Variants in NUBP2 observed in about 807,000 individuals in gnomAD.
The protein encoded by NUBP2 is NUBP iron-sulfur cluster assembly factor 2, cytosolic.
A neutral mutation model predicts 24.9 loss-of-function variants in NUBP2; 23 were observed. The ratio of observed to expected loss-of-function variants is 0.92; its 90% CI spans 0.66 to 1.31. NUBP2 has a LOEUF of 1.31. NUBP2 is among the 50% of genes most tolerant of loss of function. The pLI, the probability that NUBP2 is intolerant of heterozygous loss-of-function variation, is 0.00. For missense variants in NUBP2, 403 were observed against 386.5 expected (o/e 1.04, Z -0.36); for synonymous variants, 186 against 170.9 (o/e 1.09, Z -0.69).
At position 1,788,226 on chromosome 16, in the gene NUBP2, T is replaced by C. The variant is rs781526288; in HGVS notation, c.670+19T>C. On this transcript the variant is annotated intron_variant, in intron 6 of 6. Transcript: ENST00000262302. ...TTCTTAGGTGAGTGTCCCAAGCTGG[T>C]GCTGGGGTCGCGGCCTCCCATTCCA... 33 of 1,458,690 alleles carry C rather than the reference T, an allele frequency of 2.3e-5. No homozygotes were observed. Among genetic ancestry groups the C allele is most frequent in the Non-Finnish European group, 3.0e-5 (33 of 1,105,850 alleles). The allele number at this position is 1,458,690 out of a possible 1,614,324, so 90.4% of individuals were successfully genotyped here.
chr16:1,785,735 G>A, intron 1 of NUBP2: 8 of 1,289,116 alleles, frequency 6.2e-6, no homozygotes, highest in Non-Finnish European at 8.1e-6. Context: ...AGGTTCTCCG[G>A]GAGGCTTTGG....
chr16:1,785,755 C>G, intron 1 of NUBP2: 1 of 1,289,110 alleles, frequency 7.8e-7, no homozygotes, highest in Non-Finnish European at 1.0e-6. Flanking sequence ...GACTTGGGAG[C>G]CTTTGAACGT....
chr16:1,788,090 T>TG, intron 5 of NUBP2, 39 bp downstream of exon 5: 1 of 1,559,400 alleles, frequency 6.4e-7, no homozygotes, highest in Non-Finnish European at 8.7e-7. Context: ...AGGCAGCACC[T>TG]GGCCGGTGGG....
chr16:1,787,377 G>A (rs57025202), intron 3 of NUBP2: 6,695 of 500,408 alleles, frequency 0.013, 356 homozygotes, highest in African/African-American at 0.11. Context: ...GCTCCCATGT[G>A]TGGGTACAGA....
rs139530935 is a variant in NUBP2 at position 1,783,205 on chromosome 16, C to T, written c.16+169C>T. ...GGCGCGGGCATTTTCTAAACAGGGTCGTTTCCCGCGTGCTCCTGCTTCGAT... is the reference window on the plus strand; with the variant it reads ...GGCGCGGGCATTTTCTAAACAGGGTTGTTTCCCGCGTGCTCCTGCTTCGAT... On this transcript the variant is annotated intron_variant, in intron 1 of 6. Coordinates refer to ENST00000262302, the MANE Select transcript of NUBP2 (RefSeq NM_012225.4). 7,846 of 1,169,980 alleles carry T rather than the reference C, an allele frequency of 6.7e-3. 28 individuals carry two copies. Among genetic ancestry groups the T allele is most frequent in the Middle Eastern group, 0.019 (55 of 2,878 alleles). 72.5% of individuals were successfully genotyped at this position (1,169,980 alleles called of 1,614,324 possible). A position where few individuals can be genotyped will look rare whatever the true frequency, so the allele number is the denominator to read the frequency against.
chr16:1,786,496 G>A, intron 1 of NUBP2, 41 bp from the exon 2 acceptor site: 1 of 1,521,676 alleles, frequency 6.6e-7, no homozygotes, highest in Non-Finnish European at 9.0e-7. Context: ...GGCACAGTGG[G>A]CACCAGGAGC....
intron 3 of NUBP2, 171 bp downstream of exon 3, chr16:1,787,126 C>A: frequency 1.7e-6 from 1 of 591,960 alleles, no homozygotes; most frequent in Non-Finnish European, 2.8e-6. Context: ...CAGTTGGGTC[C>A]GTGCTGCCAC....
rs748442940 is a variant in NUBP2, at chr16:1,788,060, C to T, written c.600+9C>T. On this transcript the variant is annotated intron_variant, in intron 5 of 6. Transcript: ENST00000262302. Reference sequence around the variant, plus strand: ...CCTGCCCACACTGCACGGTGAGTCCCGGGGGTTGCAGAGGGGGCGAGGCAG... The same window carrying T: ...CCTGCCCACACTGCACGGTGAGTCCTGGGGGTTGCAGAGGGGGCGAGGCAG... 1.6e-5 allele frequency: 26 copies of T among 1,577,948 alleles called. No individual in the cohort carries two copies. The highest frequency in any genetic ancestry group is 2.7e-5 in the African/African-American group (2 of 72,914).
At position 1,788,933 on chromosome 16, in the gene NUBP2, G is replaced by A. The variant is rs1025979600; in HGVS notation, c.*219G>A. 2 of 572,822 alleles carry A rather than the reference G, an allele frequency of 3.5e-6. No homozygotes were observed. Among genetic ancestry groups the A allele is most frequent in the African/African-American group, 1.9e-5 (1 of 52,540 alleles). 35.5% of individuals were successfully genotyped at this position (572,822 alleles called of 1,614,324 possible). ...GCCGTGGTCTGCGTGCTCTGCAGCT[G>A]TGAGACGGGGGCGGCCTGGGCTCTC... On this transcript the variant is annotated 3_prime_UTR_variant, in exon 7 of 7. Transcript: ENST00000262302.
rs1065663 is a variant in NUBP2, at chr16:1,789,022, G to A, written c.*308G>A. On this transcript the variant is annotated 3_prime_UTR_variant, in exon 7 of 7. Transcript: ENST00000262302. Reference sequence around the variant, plus strand: ...CGTGTCCACACAGTTAGCGGAGCGCGGGACTTCTGCAGTCCTCAGGTGACC... The same window carrying A: ...CGTGTCCACACAGTTAGCGGAGCGCAGGACTTCTGCAGTCCTCAGGTGACC... 281,164 of 347,590 alleles carry A rather than the reference G, an allele frequency of 0.81. 114,771 individuals carry two copies. Among genetic ancestry groups the A allele is most frequent in the African/African-American group, 0.94 (44,364 of 47,378 alleles). 21.5% of individuals were successfully genotyped at this position (347,590 alleles called of 1,614,324 possible).
intron 1 of NUBP2, chr16:1,785,318 GGTT>G (rs1211464391): frequency 1.8e-6 from 2 of 1,081,982 alleles, no homozygotes; most frequent in Non-Finnish European, 2.3e-6. Context: ...GAACCCTCAG[GGTT>G]GTTGTCCCGG....
rs1232907690 is a variant in NUBP2, at chr16:1,788,732, C to T, written c.*18C>T. The T allele has an allele frequency of 1.9e-6, 3 of 1,601,564 alleles. No homozygotes were observed. Among genetic ancestry groups the T allele is most frequent in the Non-Finnish European group, 2.6e-6 (3 of 1,173,250 alleles). ...TCCCCTGACTAAGGCCACCTTGCAG[C>T]CGCTTTCCAGGGCCACCAAGGGCTC... On this transcript the variant is annotated 3_prime_UTR_variant, in exon 7 of 7. Coordinates refer to ENST00000262302, the MANE Select transcript of NUBP2 (RefSeq NM_012225.4).
chr16:1,783,467 A>G, intron 1 of NUBP2: 2 of 995,582 alleles, frequency 2.0e-6, no homozygotes, highest in Non-Finnish European at 2.4e-6. Context: ...CATGCTTTTA[A>G]GTTCTTTGTG....
chr16:1,788,114 G>A, intron 5 of NUBP2, 24 bp from the exon 6 acceptor site: 1 of 1,555,714 alleles, frequency 6.4e-7, no homozygotes, highest in East Asian at 2.3e-5. Context: ...TTTGGGCAGT[G>A]CTGGGCTCAC....
chr16:1,787,865 G>T (rs1031975748), intron 4 of NUBP2, 34 bp downstream of exon 4: 1 of 1,602,306 alleles, frequency 6.2e-7, no homozygotes, highest in East Asian at 2.2e-5. Flanking sequence ...GTCCCTGTGG[G>T]TGGCTTCCCA....
At chr16:1,785,883 G>A in intron 1 of NUBP2, 2 of 1,288,430 alleles carry the variant, frequency 1.6e-6, no homozygotes, top group Non-Finnish European at 2.0e-6. Context: ...AAGGGGCATG[G>A]CCTCAGCGGT....
chr16:1,785,879 C>T, intron 1 of NUBP2: 1 of 1,288,832 alleles, frequency 7.8e-7, no homozygotes, highest in Non-Finnish European at 1.0e-6. Flanking sequence ...AGACAAGGGG[C>T]ATGGCCTCAG....
chr16:1,784,960 G>C (rs1408690241), intron 1 of NUBP2: 1 of 378,270 alleles, frequency 2.6e-6, no homozygotes, highest in Non-Finnish European at 3.6e-6. Context: ...GCTGAGGCAC[G>C]AGAATTGCTT....
At chr16:1,788,539 T>C in intron 6 of NUBP2, 30 bp from the exon 7 acceptor site, 1 of 1,575,450 alleles carries the variant, frequency 6.3e-7, no homozygotes, top group Non-Finnish European at 8.6e-7. Flanking sequence ...GGTGCGGACA[T>C]GGCGCCACCG....
Sources: gnomAD v4.1 joint callset for allele counts on GRCh38, gnomAD v4.1.1 for gene constraint, MANE v1.5 for transcripts, NCBI Gene and HGNC (gene_info 2026-07-23, HGNC 2026-07-21) for gene names.